ABCC11: variants seen among roughly 807,000 people sequenced by gnomAD.
The protein encoded by ABCC11 is ATP binding cassette subfamily C member 11, also known as ATP-binding cassette sub-family C member 11.
Under a neutral mutation model 149.3 loss-of-function variants are expected in ABCC11, and 135 were observed. The observed-to-expected ratio is 0.90, with a 90% CI of 0.79 to 1.04. The LOEUF (loss-of-function observed/expected upper bound fraction) is 1.04, where lower values mean the gene tolerates loss of function less well. Ranked by LOEUF, ABCC11 falls within the 50% of genes least tolerant of loss-of-function variation. The probability of loss-of-function intolerance (pLI) is 0.00; values close to 1 mark genes in which losing one functional copy is unlikely to be tolerated. For missense variants in ABCC11, 1,680 were observed against 1,722.1 expected (o/e 0.98, Z 0.43); for synonymous variants, 665 against 671.4 (o/e 0.99, Z 0.15).
At position 48,167,761 on chromosome 16, in the gene ABCC11, G is replaced by T. The variant is rs923418132; in HGVS notation, c.3892-101C>A. The T allele has an allele frequency of 6.0e-6, 8 of 1,337,284 alleles. No homozygotes were observed. In the African/African-American group the frequency reaches 1.0e-4, roughly 17 times the overall value. The allele number at this position is 1,337,284 out of a possible 1,614,324, so 82.8% of individuals were successfully genotyped here. ...AATTCACCAGGGCCCTTCCTCTCCAGGTCTCCATTTCTTTAGCTGGGAAAT... is the reference window on the plus strand; with the variant it reads ...AATTCACCAGGGCCCTTCCTCTCCATGTCTCCATTTCTTTAGCTGGGAAAT... On this transcript the variant is annotated intron_variant, in intron 28 of 29. Coordinates refer to ENST00000356608, the MANE Select transcript of ABCC11 (RefSeq NM_001370497.1).
chr16:48,165,043 G>A (rs1282049752), downstream of ABCC11: 1 of 152,044 alleles, frequency 6.6e-6, no homozygotes, highest in African/African-American at 2.4e-5. Context: ...TTTTTGGGAC[G>A]AGGCTGCCAT....
At chr16:48,183,565 C>T (rs113116980) in intron 23 of ABCC11, among the ~76,000 whole-genome samples, 1,891 of 152,328 alleles carry the variant, frequency 0.012, 44 homozygotes, top group African/African-American at 0.043. Flanking sequence ...AGCTCAAGAC[C>T]AGCCTGGCCA....
chr16:48,197,899 A>G (rs968677258), intron 17 of ABCC11, 72 bp downstream of exon 17: 2 of 1,511,812 alleles, frequency 1.3e-6, no homozygotes, highest in East Asian at 4.5e-5. Flanking sequence ...GGGGTCAAGG[A>G]GGAAACACTG....
At chr16:48,209,191 A>G (rs1473372907) in intron 11 of ABCC11, among the ~76,000 whole-genome samples, 4 of 152,154 alleles carry the variant, frequency 2.6e-5, no homozygotes, top group Non-Finnish European at 5.9e-5. Context: ...GGTGGGAAAG[A>G]GTTCAGAGGT....
chr16:48,176,769 C>T (rs1023115209), intron 25 of ABCC11, among the ~76,000 whole-genome samples, 155 bp downstream of exon 25: 8 of 152,198 alleles, frequency 5.3e-5, no homozygotes, highest in African/African-American at 1.9e-4. Context: ...CCTTGGGTTT[C>T]GCTCACCAGT....
chr16:48,200,375 C>G lies in ABCC11; in HGVS notation c.1983G>C (p.Leu661=). 3.1e-6 allele frequency: 5 copies of G among 1,614,246 alleles called. No homozygotes were observed. Among genetic ancestry groups the G allele is most frequent in the Non-Finnish European group, 4.2e-6 (5 of 1,180,028 alleles). The change falls in exon 15 of 30, where the codon CTG becomes CTC. Residue 661 remains leucine (L), a synonymous_variant. Transcript: ENST00000356608. ...DRQIYLLDDP[L]SAVDAHVGKH... is the part of the protein sequence containing the mutation. ...TCCCCACGTGGGCGTCCACAGCAGA[C>G]AGGGGGTCGTCCAGCAGGTAGATCT...
At chr16:48,230,043 G>C (rs897764993) in intron 3 of ABCC11, among the ~76,000 whole-genome samples, 2 of 152,182 alleles carry the variant, frequency 1.3e-5, no homozygotes, top group African/African-American at 4.8e-5. Flanking sequence ...AAGTTGTCAT[G>C]GTTCTCCGGT....
intron 1 of ABCC11, among the ~76,000 whole-genome samples, chr16:48,243,837 CA>C (rs1305332277): frequency 6.6e-6 from 1 of 151,924 alleles, no homozygotes; most frequent in Non-Finnish European, 1.5e-5. Context: ...ACTAAAAATA[CA>C]ACAATTAGCT....
intron 1 of ABCC11, among the ~76,000 whole-genome samples, chr16:48,236,515 G>A (rs1970697483): frequency 6.6e-6 from 1 of 152,170 alleles, no homozygotes; most frequent in African/African-American, 2.4e-5. Context: ...TGAAACCAGG[G>A]ACCTTGTCTG....
intron 19 of ABCC11, 27 bp from the exon 20 acceptor site, chr16:48,192,744 T>A (rs1353914267): frequency 6.2e-7 from 1 of 1,609,810 alleles, no homozygotes; most frequent in African/African-American, 1.3e-5. Context: ...GGGGTCTGAC[T>A]GCAGGTGTCC....
intron 23 of ABCC11, among the ~76,000 whole-genome samples, chr16:48,183,647 C>T (rs1312718248): frequency 6.6e-6 from 1 of 152,216 alleles, no homozygotes; most frequent in Non-Finnish European, 1.5e-5. Context: ...CCTGTAATCC[C>T]AGCTACTCAG....
chr16:48,175,535 G>T, intron 25 of ABCC11, 118 bp from the exon 26 acceptor site: 1 of 1,244,938 alleles, frequency 8.0e-7, no homozygotes, highest in Non-Finnish European at 1.1e-6. Flanking sequence ...CTTCATCACT[G>T]TGAGCCCTGA....
intron 1 of ABCC11, among the ~76,000 whole-genome samples, chr16:48,245,041 C>T (rs1260852190): frequency 6.6e-6 from 1 of 152,274 alleles, no homozygotes; most frequent in African/African-American, 2.4e-5. Context: ...CTATCCGCCT[C>T]CCCTTTTCTG....
intron 25 of ABCC11, chr16:48,176,023 T>C (rs887072854): frequency 1.3e-5 from 2 of 152,234 alleles, no homozygotes; most frequent in Admixed American, 6.5e-5. Context: ...AGGCACATAG[T>C]AGGTGCTCAG....
chr16:48,185,579 T>A (rs1404191684), intron 22 of ABCC11, among the ~76,000 whole-genome samples: 1 of 152,224 alleles, frequency 6.6e-6, no homozygotes, highest in Non-Finnish European at 1.5e-5. Context: ...TAGTTGCATT[T>A]TTTCTAAAGT....
chr16:48,200,504 C>A, intron 14 of ABCC11, 25 bp from the exon 15 acceptor site: 3 of 1,609,214 alleles, frequency 1.9e-6, no homozygotes, highest in South Asian at 1.1e-5. Context: ...TAAAAGGCAC[C>A]ATGTCCAGAC....
intron 24 of ABCC11, 113 bp downstream of exon 24, chr16:48,178,484 G>A (rs1041262592): frequency 2.1e-6 from 2 of 949,156 alleles, no homozygotes; most frequent in South Asian, 3.1e-5. Context: ...CCAGGAGCCT[G>A]GTGTTTCCTG....
chr16:48,175,530 T>G, intron 25 of ABCC11, 113 bp from the exon 26 acceptor site: 1 of 1,277,622 alleles, frequency 7.8e-7, no homozygotes, highest in Non-Finnish European at 1.1e-6. Context: ...CCATTCTTCA[T>G]CACTGTGAGC....
intron 1 of ABCC11, among the ~76,000 whole-genome samples, chr16:48,235,684 A>G (rs1461802938): frequency 6.6e-6 from 1 of 152,166 alleles, no homozygotes; most frequent in Non-Finnish European, 1.5e-5. Context: ...TCCGGAAGAA[A>G]ATGGAGCTGG....
Sources: gnomAD v4.1 joint callset for allele counts (sites outside exome capture counted in the v4.1 genomes callset) on GRCh38, gnomAD v4.1.1 for gene constraint, MANE v1.5 for transcripts, NCBI Gene and HGNC (gene_info 2026-07-23, HGNC 2026-07-21) for gene names.